The following ACSL1 variants were observed in gnomAD, a reference collection of about 807,000 sequenced individuals.
ACSL1 encodes acyl-CoA synthetase long chain family member 1.
In ACSL1, 41 loss-of-function variants were observed where a neutral mutation model predicts 98.4. The observed-to-expected ratio is 0.42, with a 90% CI of 0.32 to 0.54. ACSL1 has a LOEUF of 0.54. Ranked by LOEUF, ACSL1 falls within the 20% of genes least tolerant of loss-of-function variation. The pLI, the probability that ACSL1 is intolerant of heterozygous loss-of-function variation, is 0.13. For synonymous variants in ACSL1, 316 were observed against 322.7 expected, an observed-to-expected ratio of 0.98 and a Z score of 0.22; for missense variants, 734 against 883.1, an observed-to-expected ratio of 0.83 and a Z score of 2.14.
chr4:184,791,148 C>A (rs1273239400), intron 2 of ACSL1, among the ~76,000 whole-genome samples: 1 of 152,244 alleles, frequency 6.6e-6, no homozygotes, highest in Non-Finnish European at 1.5e-5. Flanking sequence ...CCTCTTGACA[C>A]AACAGAAATG....
intron 1 of ACSL1, chr4:184,814,887 T>A: frequency 2.7e-6 from 1 of 376,680 alleles, no homozygotes; most frequent in South Asian, 2.0e-5. Context: ...CGTGCCTCTT[T>A]GAAAAAGGAG....
chr4:184,812,169 T>C (rs895240431), intron 1 of ACSL1: 38 of 984,676 alleles, frequency 3.9e-5, no homozygotes, highest in East Asian at 1.1e-4. Flanking sequence ...CAGCGAATGG[T>C]ACTTAGTACC....
intron 2 of ACSL1, among the ~76,000 whole-genome samples, chr4:184,793,659 AGG>A (rs575583772): frequency 5.0e-4 from 76 of 152,306 alleles, no homozygotes; most frequent in Non-Finnish European, 1.0e-3. Flanking sequence ...GAAAGTGAGA[AGG>A]GAGAGTGAGA....
intron 1 of ACSL1, chr4:184,814,914 G>A: frequency 2.6e-6 from 1 of 391,576 alleles, no homozygotes; most frequent in East Asian, 7.3e-5. Flanking sequence ...CACAAAAAAA[G>A]AAGCAACACT....
chr4:184,777,728 C>T (rs1765526260), intron 5 of ACSL1, among the ~76,000 whole-genome samples: 1 of 151,864 alleles, frequency 6.6e-6, no homozygotes, highest in South Asian at 2.1e-4. Context: ...GCCAAGGTAG[C>T]TACAGATGCT....
chr4:184,776,375 G>A (rs1765285005), intron 7 of ACSL1, 109 bp downstream of exon 7: 8 of 1,257,936 alleles, frequency 6.4e-6, no homozygotes, highest in South Asian at 3.1e-5. Context: ...GGAGGCAACC[G>A]GCCAGCGCTG....
chr4:184,811,380 G>A (rs904118668), intron 1 of ACSL1, among the ~76,000 whole-genome samples: 2 of 152,090 alleles, frequency 1.3e-5, no homozygotes, highest in Non-Finnish European at 2.9e-5. Flanking sequence ...CCAAAGTGCT[G>A]GGATTACAGG....
intron 15 of ACSL1, among the ~76,000 whole-genome samples, chr4:184,764,473 C>G (rs1561176841): frequency 6.6e-6 from 1 of 152,166 alleles, no homozygotes. Flanking sequence ...GCACACAGTA[C>G]AAATTCAATA....
intron 10 of ACSL1, 28 bp from the exon 11 acceptor site, chr4:184,770,504 A>T (rs376700463): frequency 2.3e-5 from 36 of 1,589,802 alleles, no homozygotes; most frequent in Non-Finnish European, 3.1e-5. Context: ...AGCAAGGCAG[A>T]AAAGCATTAA....
Position 184,773,222 on chromosome 4 carries a change from A to G in ACSL1, c.842-68T>C. Reference sequence around the variant, plus strand: ...GAAATGAAGGAGGCCCAGAAACCTCACATAATTAGGGCTTCAGACACCTCT... The same window carrying G: ...GAAATGAAGGAGGCCCAGAAACCTCGCATAATTAGGGCTTCAGACACCTCT... On this transcript the variant is annotated intron_variant, in intron 9 of 20. Coordinates refer to ENST00000281455, the MANE Select transcript of ACSL1 (RefSeq NM_001995.5). The surrounding 1 kb of genome is among the most constrained non-coding windows in gnomAD (Gnocchi z 4.3). 1 of 1,431,656 alleles carries G rather than the reference A, an allele frequency of 7.0e-7. No homozygotes were observed. The highest frequency in any genetic ancestry group is 1.4e-5 in the African/African-American group (1 of 71,282). 88.7% of individuals were successfully genotyped at this position (1,431,656 alleles called of 1,614,324 possible). A position where few individuals can be genotyped will look rare whatever the true frequency, so the allele number is the denominator to read the frequency against.
At chr4:184,762,611 G>C in intron 16 of ACSL1, 88 bp from the exon 17 acceptor site, 1 of 1,165,084 alleles carries the variant, frequency 8.6e-7, no homozygotes, top group Non-Finnish European at 1.3e-6. Context: ...GTGTGTGTCT[G>C]CCCCAACCTT....
chr4:184,756,396 G>A lies in ACSL1; in HGVS notation c.*729C>T, dbSNP rs552114954. The A allele has an allele frequency of 2.6e-5, 4 of 152,720 alleles. No homozygotes were observed. The highest frequency in any genetic ancestry group is 9.6e-5 in the African/African-American group (4 of 41,564). The allele number at this position is 152,720 out of a possible 1,614,324, so 9.5% of individuals were successfully genotyped here. On this transcript the variant is annotated 3_prime_UTR_variant, in exon 21 of 21. Coordinates refer to ENST00000281455, the MANE Select transcript of ACSL1 (RefSeq NM_001995.5). ...GTCGGGGAATCAGGCCTGGAGAACC[G>A]AGTCCAAGAGCATTCTGCCATGAAA...
rs148785527 is a variant in ACSL1, at chr4:184,803,901, G to A, written c.-32-355C>T. ...TCTTTGCTACTACGTCTCTGCTCTC[G>A]TCCATCCACCTAATCAAAAACACTC... is the stretch of plus-strand genomic sequence containing the variant. On this transcript the variant is annotated intron_variant, in intron 1 of 20. Transcript: ENST00000281455. The surrounding 1 kb of genome is among the most constrained non-coding windows in gnomAD (Gnocchi z 4.8). Among the ~76,000 whole-genome samples the A allele has an allele frequency of 3.3e-5, 5 of 152,090 alleles. No homozygotes were observed. The highest frequency in any genetic ancestry group is 9.6e-5 in the African/African-American group (4 of 41,462).
rs1290430559 is a variant in ACSL1, at chr4:184,766,119, A to C, written c.1264-133T>G. 1.2e-5 allele frequency: 9 copies of C among 756,888 alleles called. No individual in the cohort carries two copies. The highest frequency in any genetic ancestry group is 2.0e-5 in the Non-Finnish European group (9 of 459,204). 46.9% of individuals were successfully genotyped at this position (756,888 alleles called of 1,614,324 possible). On this transcript the variant is annotated intron_variant, in intron 13 of 20. Transcript: ENST00000281455. This position sits in a 1 kb window ranked among gnomAD's most constrained non-coding sequence, Gnocchi z 4.8. ...AGACCACACGGAGGCCACACGGAGA[A>C]CTCACAGCCCTCATGATGGCAGCAC...
chr4:184,777,024 C>G, intron 5 of ACSL1, 41 bp from the exon 6 acceptor site: 1 of 1,542,986 alleles, frequency 6.5e-7, no homozygotes, highest in Non-Finnish European at 9.0e-7. Context: ...AACAGGATGT[C>G]ATCATGTAAT....
chr4:184,810,934 G>C (rs7657313), intron 1 of ACSL1, among the ~76,000 whole-genome samples: 6,725 of 152,106 alleles, frequency 0.044, 471 homozygotes, highest in African/African-American at 0.15. Context: ...AACTGTACAG[G>C]AGTCAAATGT....
chr4:184,815,834 G>A (rs533533110), intron 1 of ACSL1, among the ~76,000 whole-genome samples: 1 of 152,068 alleles, frequency 6.6e-6, no homozygotes, highest in Non-Finnish European at 1.5e-5. Flanking sequence ...AAAAAGCAGA[G>A]ATGAGGCCAG....
intron 14 of ACSL1, 101 bp downstream of exon 14, chr4:184,765,786 TAAGA>T (rs1763504489): frequency 1.2e-5 from 11 of 907,216 alleles, no homozygotes; most frequent in South Asian, 5.5e-5. Flanking sequence ...GCTTGTCAAT[TAAGA>T]AAGAACACAC....
At chr4:184,782,924 A>G (rs960491220) in intron 4 of ACSL1, among the ~76,000 whole-genome samples, 1 of 152,174 alleles carries the variant, frequency 6.6e-6, no homozygotes, top group Non-Finnish European at 1.5e-5. Context: ...CCTTCCACAG[A>G]CGCACCCCAA....
Sources: allele counts gnomAD v4.1 joint callset (sites outside exome capture counted in the v4.1 genomes callset), GRCh38; gene constraint gnomAD v4.1.1; non-coding constraint Gnocchi (gnomAD v3.1); transcripts MANE v1.5; gene names NCBI Gene and HGNC (gene_info 2026-07-23, HGNC 2026-07-21).